The following CERK variants were observed in gnomAD, a reference collection of about 807,000 sequenced individuals.
The protein encoded by CERK is acylsphingosine kinase.
CERK carries 39 observed loss-of-function variants against 63.4 expected under a neutral mutation model. That is an observed-to-expected ratio of 0.61 (90% CI 0.48 to 0.80). CERK has a LOEUF of 0.80. CERK is among the 30% of genes least tolerant of loss of function. The pLI is 0.00. For synonymous variants in CERK, 302 were observed against 280.0 expected, an observed-to-expected ratio of 1.08 and a Z score of -0.78; for missense variants, 670 against 714.1, an observed-to-expected ratio of 0.94 and a Z score of 0.70.
intron 1 of CERK, among the ~76,000 whole-genome samples, chr22:46,737,243 G>A (rs2082978169): frequency 6.7e-6 from 1 of 149,476 alleles, no homozygotes. Context: ...AGTGAGCCAA[G>A]ATCGTGGCAT....
At chr22:46,733,748 G>T (rs996137725) in intron 1 of CERK, among the ~76,000 whole-genome samples, 20 of 151,596 alleles carry the variant, frequency 1.3e-4, no homozygotes, top group Non-Finnish European at 2.5e-4. Flanking sequence ...CTATTTTCTT[G>T]TAAGAATTTA....
intron 1 of CERK, among the ~76,000 whole-genome samples, chr22:46,729,301 G>C (rs1229147465): frequency 6.6e-6 from 1 of 152,180 alleles, no homozygotes; most frequent in African/African-American, 2.4e-5. Flanking sequence ...AGAGGCTGCA[G>C]TGAGCCAAAA....
chr22:46,729,824 G>A (rs2082936669), intron 1 of CERK, among the ~76,000 whole-genome samples: 1 of 152,152 alleles, frequency 6.6e-6, no homozygotes, highest in Non-Finnish European at 1.5e-5. Flanking sequence ...TGAATCACGA[G>A]GGCAGGAGAT....
rs4823872 is a variant in CERK, at chr22:46,709,961, T to G, written c.569+1125A>C. 7.4e-4 allele frequency among the ~76,000 whole-genome samples: 112 copies of G among 152,200 alleles called. 1 individual carries two copies. The highest frequency in any genetic ancestry group is 2.6e-3 in the African/African-American group (108 of 41,548). On this transcript the variant is annotated intron_variant, in intron 5 of 12. Coordinates refer to ENST00000216264, the MANE Select transcript of CERK (RefSeq NM_022766.6). ...ATAAGAGAACAAATGACTGAAATTATGGCCAACAAAAGAAAATGGGCCAAA... is the reference window on the plus strand; with the variant it reads ...ATAAGAGAACAAATGACTGAAATTAGGGCCAACAAAAGAAAATGGGCCAAA...
Position 46,708,007 on chromosome 22 carries a change from C to T in CERK, c.570-19G>A, listed in dbSNP as rs752790393. 2.0e-5 allele frequency: 32 copies of T among 1,586,040 alleles called. No homozygotes were observed. The highest frequency in any genetic ancestry group is 1.1e-4 in the East Asian group (5 of 44,254). On this transcript the variant is annotated intron_variant, in intron 5 of 12. Coordinates refer to ENST00000216264, the MANE Select transcript of CERK (RefSeq NM_022766.6). ...GACGATGCTGCAGGAGGAACACAGCCGGTCAGGGCTCCTGCAGGTGCGGCC... is the reference window on the plus strand; with the variant it reads ...GACGATGCTGCAGGAGGAACACAGCTGGTCAGGGCTCCTGCAGGTGCGGCC...
chr22:46,731,627 T>G (rs1196029393), intron 1 of CERK, among the ~76,000 whole-genome samples: 1 of 151,930 alleles, frequency 6.6e-6, no homozygotes, highest in Non-Finnish European at 1.5e-5. Flanking sequence ...AGGCTGAGGA[T>G]AGAGGAAAAC....
intron 5 of CERK, among the ~76,000 whole-genome samples, chr22:46,708,972 G>A (rs1194887203): frequency 2.6e-5 from 4 of 152,118 alleles, no homozygotes; most frequent in East Asian, 1.9e-4. Context: ...GTGCAGGCGC[G>A]ACCAGTCTCC....
rs1051839122 is a variant in CERK, at chr22:46,738,230, CCGGGCGGCGGGCGG to C, written c.-96_-83del. Reference sequence around the variant, plus strand: ...GACCGTTAGCGGCCCCTGCAGTGGCCCGGGCGGCGGGCGGCGGGCGGCGGGAGGCGGCGCTGCGT... The same window carrying C: ...GACCGTTAGCGGCCCCTGCAGTGGCCCGGGCGGCGGGAGGCGGCGCTGCGT... On this transcript the variant is annotated 5_prime_UTR_variant, in exon 1 of 13. Coordinates refer to ENST00000216264, the MANE Select transcript of CERK (RefSeq NM_022766.6). 1 of 513,448 alleles carries C rather than the reference CCGGGCGGCGGGCGG, an allele frequency of 1.9e-6. No individual in the cohort carries two copies. The highest frequency in any genetic ancestry group is 9.1e-5 in the Admixed American group (1 of 11,044). 31.8% of individuals were successfully genotyped at this position (513,448 alleles called of 1,614,324 possible).
At chr22:46,709,812 A>C (rs2082831559) in intron 5 of CERK, among the ~76,000 whole-genome samples, 1 of 152,264 alleles carries the variant, frequency 6.6e-6, no homozygotes, top group African/African-American at 2.4e-5. Flanking sequence ...ACTTGAGTAC[A>C]TGAATTTGAA....
At chr22:46,730,416 A>G (rs1444261810) in intron 1 of CERK, among the ~76,000 whole-genome samples, 1 of 152,008 alleles carries the variant, frequency 6.6e-6, no homozygotes, top group Non-Finnish European at 1.5e-5. Context: ...GTGACAGTCT[A>G]TCTCAAAAAA....
chr22:46,699,276 G>A (rs777761452), intron 8 of CERK, 37 bp downstream of exon 8: 10 of 1,608,262 alleles, frequency 6.2e-6, no homozygotes, highest in Middle Eastern at 1.7e-4. Flanking sequence ...GTCGGGGCAC[G>A]ACCAGCGGGG....
rs1301654771 is a variant in CERK, at chr22:46,734,734, CT to C, written c.142+3272del. Among the ~76,000 whole-genome samples, 4 of 152,284 alleles carry C rather than the reference CT, an allele frequency of 2.6e-5. No individual in the cohort carries two copies. The East Asian group carries it at 7.7e-4, about 29-fold the overall frequency. Reference sequence around the variant, plus strand: ...AACACTCTGCAGTATGTTTTCTCAGCTTTTCTTTCATGCATATTTACATATA... The same window carrying C: ...AACACTCTGCAGTATGTTTTCTCAGCTTTCTTTCATGCATATTTACATATA... On this transcript the variant is annotated intron_variant, in intron 1 of 12. Transcript: ENST00000216264.
chr22:46,726,540 G>C (rs2082919138), intron 1 of CERK, among the ~76,000 whole-genome samples: 1 of 152,210 alleles, frequency 6.6e-6, no homozygotes, highest in Admixed American at 6.5e-5. Flanking sequence ...AGAGATCCGA[G>C]TGGCTGGGAG....
intron 6 of CERK, among the ~76,000 whole-genome samples, chr22:46,705,149 C>G (rs1601716533): frequency 6.6e-6 from 1 of 152,224 alleles, no homozygotes. Context: ...AGAGACTCCA[C>G]GTCAAGGGAT....
intron 1 of CERK, among the ~76,000 whole-genome samples, chr22:46,734,270 A>G (rs1327801948): frequency 1.3e-5 from 2 of 152,168 alleles, no homozygotes; most frequent in African/African-American, 2.4e-5. Flanking sequence ...AATATGACTT[A>G]GTAACCAGAA....
intron 6 of CERK, among the ~76,000 whole-genome samples, chr22:46,706,276 C>A (rs1021351920): frequency 2.0e-5 from 3 of 152,224 alleles, no homozygotes; most frequent in Non-Finnish European, 4.4e-5. Context: ...CAGGGGCCCT[C>A]CCGAGCCGTC....
intron 7 of CERK, among the ~76,000 whole-genome samples, chr22:46,701,077 C>A (rs1210635254): frequency 6.6e-6 from 1 of 152,090 alleles, no homozygotes; most frequent in Non-Finnish European, 1.5e-5. Flanking sequence ...AGGTGAGGCA[C>A]GGTAACCCTG....
Position 46,738,159 on chromosome 22 carries a change from G to GGGCTCGTCCGCCA in CERK, c.-24_-12dup. 1 of 1,170,296 alleles carries GGGCTCGTCCGCCA rather than the reference G, an allele frequency of 8.5e-7. No homozygotes were observed. The highest frequency in any genetic ancestry group is 1.1e-6 in the Non-Finnish European group (1 of 950,102). The allele number at this position is 1,170,296 out of a possible 1,614,324, so 72.5% of individuals were successfully genotyped here. A position where few individuals can be genotyped will look rare whatever the true frequency, so the allele number is the denominator to read the frequency against. ...CCCCGTCGCCCCCATCTCCGCCGCC[G>GGGCTCGTCCGCCA]GGCTCGTCCGCCAGGCTGGGGGCGC... On this transcript the variant is annotated 5_prime_UTR_variant, in exon 1 of 13. Transcript: ENST00000216264.
At chr22:46,712,035 C>T (rs1318775406) in intron 4 of CERK, 133 bp downstream of exon 4, 1 of 939,616 alleles carries the variant, frequency 1.1e-6, no homozygotes, top group Non-Finnish European at 1.6e-6. Flanking sequence ...TACAGTGACC[C>T]ACAATTGCAC....
Sources: allele counts gnomAD v4.1 joint callset (sites outside exome capture counted in the v4.1 genomes callset), GRCh38; gene constraint gnomAD v4.1.1; transcripts MANE v1.5; gene names NCBI Gene and HGNC (gene_info 2026-07-23, HGNC 2026-07-21).